The following TAFA1 variants were observed in gnomAD, a reference collection of about 807,000 sequenced individuals.
The protein encoded by TAFA1 is chemokine-like protein TAFA-1.
A neutral mutation model predicts 18.5 loss-of-function variants in TAFA1; 4 were observed. The observed-to-expected ratio is 0.22, with a 90% confidence interval of 0.11 to 0.49. The LOEUF is 0.49. Ranked by LOEUF, TAFA1 falls within the 20% of genes least tolerant of loss-of-function variation. The probability of loss-of-function intolerance (pLI) is 0.98; values close to 1 mark genes in which losing one functional copy is unlikely to be tolerated. For missense variants in TAFA1, 147 were observed against 169.0 expected (o/e 0.87, Z 0.72); for synonymous variants, 56 against 55.2 (o/e 1.01, Z -0.06).
chr3:68,203,293 A>T (rs1236674591), intron 2 of TAFA1, among the ~76,000 whole-genome samples: 1 of 151,150 alleles, frequency 6.6e-6, no homozygotes. Context: ...TTTCTTTTTA[A>T]TTCTGCTTGG....
chr3:68,300,976 A>T (rs2068294213), intron 2 of TAFA1, among the ~76,000 whole-genome samples: 1 of 152,192 alleles, frequency 6.6e-6, no homozygotes, highest in Non-Finnish European at 1.5e-5. Flanking sequence ...AGTTCTTAAT[A>T]GCAATATGAG....
intron 2 of TAFA1, among the ~76,000 whole-genome samples, chr3:68,157,080 T>G (rs954663594): frequency 6.6e-6 from 1 of 152,256 alleles, no homozygotes; most frequent in African/African-American, 2.4e-5. Context: ...TTAGTTCAGA[T>G]TGACTTAAAC....
intron 2 of TAFA1, among the ~76,000 whole-genome samples, chr3:68,344,590 T>C (rs1038106328): frequency 6.6e-6 from 1 of 152,178 alleles, no homozygotes; most frequent in African/African-American, 2.4e-5. Context: ...GTGGTCACAT[T>C]GAACTGACTA....
At chr3:68,327,797 T>G (rs1254084137) in intron 2 of TAFA1, among the ~76,000 whole-genome samples, 1 of 152,192 alleles carries the variant, frequency 6.6e-6, no homozygotes, top group Non-Finnish European at 1.5e-5. Flanking sequence ...TAATGAAGGC[T>G]TTTCAAATGG....
At chr3:68,158,687 A>C (rs1330001037) in intron 2 of TAFA1, among the ~76,000 whole-genome samples, 1 of 152,172 alleles carries the variant, frequency 6.6e-6, no homozygotes, top group African/African-American at 2.4e-5. Flanking sequence ...TGAGATGAGA[A>C]GGCCTCACTT....
At chr3:68,495,975 T>C (rs2072539624) in intron 3 of TAFA1, among the ~76,000 whole-genome samples, 2 of 111,644 alleles carry the variant, frequency 1.8e-5, no homozygotes, top group Non-Finnish European at 3.6e-5. Flanking sequence ...ATAACAACGA[T>C]AGTGAACCTT....
rs1342579646 is a variant in TAFA1 at position 68,545,242 on chromosome 3, C to A, written c.*739C>A. On this transcript the variant is annotated 3_prime_UTR_variant, in exon 5 of 5. Coordinates refer to ENST00000478136, the MANE Select transcript of TAFA1 (RefSeq NM_213609.4). ...AGGAAAATATTTTTAGAACTACTAGCTTTTCCACTTAGAAGAAAATGAGGA... is the reference window on the plus strand; with the variant it reads ...AGGAAAATATTTTTAGAACTACTAGATTTTCCACTTAGAAGAAAATGAGGA... 2 of 152,524 alleles carry A rather than the reference C, an allele frequency of 1.3e-5. No individual in the cohort carries two copies. The allele number at this position is 152,524 out of a possible 1,614,324, so 9.4% of individuals were successfully genotyped here.
intron 3 of TAFA1, among the ~76,000 whole-genome samples, chr3:68,445,715 C>T (rs1342786046): frequency 6.6e-6 from 1 of 152,110 alleles, no homozygotes; most frequent in South Asian, 2.1e-4. Context: ...GATTGGGCCT[C>T]ATCTTCAAAG....
chr3:68,081,230 G>C (rs2064894843), intron 2 of TAFA1, among the ~76,000 whole-genome samples: 1 of 152,058 alleles, frequency 6.6e-6, no homozygotes, highest in South Asian at 2.1e-4. Flanking sequence ...TTTTTTCGAA[G>C]TTTTCAACTT....
chr3:68,292,684 C>T (rs984152957), intron 2 of TAFA1, among the ~76,000 whole-genome samples: 1 of 152,088 alleles, frequency 6.6e-6, no homozygotes, highest in African/African-American at 2.4e-5. Context: ...TATGCCACCA[C>T]ACCTGGCTAA....
intron 3 of TAFA1, among the ~76,000 whole-genome samples, chr3:68,500,575 T>C (rs961793125): frequency 2.0e-5 from 3 of 152,160 alleles, no homozygotes; most frequent in African/African-American, 7.2e-5. Flanking sequence ...TAAAGTTTTA[T>C]TGTAACTTAG....
chr3:68,474,174 T>C (rs2072049832), intron 3 of TAFA1, among the ~76,000 whole-genome samples: 1 of 152,126 alleles, frequency 6.6e-6, no homozygotes, highest in Non-Finnish European at 1.5e-5. Flanking sequence ...TATGTTATTA[T>C]TGGTCCCATA....
rs531982250 is a variant in TAFA1 at position 68,299,194 on chromosome 3, C to G, written c.119-118086C>G. On this transcript the variant is annotated intron_variant, in intron 2 of 4. Transcript: ENST00000478136. ...CACTCAGAGAATGCCTTTGGTCTCT[C>G]CCATTAGATTTTATTATGACCTCTT... 5.9e-5 allele frequency among the ~76,000 whole-genome samples: 9 copies of G among 152,250 alleles called. No homozygotes were observed. In the East Asian group the frequency reaches 1.7e-3, roughly 29 times the overall value.
At chr3:68,236,545 C>G (rs990886184) in intron 2 of TAFA1, among the ~76,000 whole-genome samples, 2 of 152,264 alleles carry the variant, frequency 1.3e-5, no homozygotes, top group African/African-American at 4.8e-5. Context: ...TGAACCTATT[C>G]AGGAGACAGA....
At chr3:68,245,623 C>T (rs2067062779) in intron 2 of TAFA1, among the ~76,000 whole-genome samples, 1 of 152,156 alleles carries the variant, frequency 6.6e-6, no homozygotes, top group Admixed American at 6.5e-5. Context: ...CTTTCATAAA[C>T]ATTTGATACT....
At chr3:68,255,221 A>G (rs915208211) in intron 2 of TAFA1, among the ~76,000 whole-genome samples, 2 of 152,190 alleles carry the variant, frequency 1.3e-5, no homozygotes, top group Admixed American at 6.6e-5. Flanking sequence ...GAAGGAATAA[A>G]GAATATTCTT....
At chr3:68,191,684 T>G (rs4459907) in intron 2 of TAFA1, among the ~76,000 whole-genome samples, 144,914 of 151,762 alleles carry the variant, frequency 0.95, 69,217 homozygotes, top group South Asian at 0.97. Flanking sequence ...GAAAGGGAGA[T>G]AAGACTTTTT....
At chr3:68,496,011 A>T (rs1237426533) in intron 3 of TAFA1, among the ~76,000 whole-genome samples, 1 of 36,462 alleles carries the variant, frequency 2.7e-5, no homozygotes, top group African/African-American at 7.3e-5. Context: ...AAAAAAAAAA[A>T]AAAAAAAAAA....
intron 2 of TAFA1, among the ~76,000 whole-genome samples, chr3:68,173,332 T>TTTAATGG (rs1174147629): frequency 0.017 from 2,604 of 152,254 alleles, 84 homozygotes; most frequent in African/African-American, 0.059. Context: ...TAAATAAATA[T>TTTAATGG]ATATTCTGTC....
Sources: allele counts gnomAD v4.1 joint callset (sites outside exome capture counted in the v4.1 genomes callset), GRCh38; gene constraint gnomAD v4.1.1; transcripts MANE v1.5; gene names NCBI Gene and HGNC (gene_info 2026-07-23, HGNC 2026-07-21).